The following PPFIA2 variants were observed in gnomAD, a reference collection of about 807,000 sequenced individuals.
PPFIA2 encodes the protein liprin-alpha-2.
PPFIA2 carries 46 observed loss-of-function variants against 175.5 expected under a neutral mutation model. The ratio of observed to expected loss-of-function variants is 0.26; its 90% confidence interval spans 0.21 to 0.34. The LOEUF (loss-of-function observed/expected upper bound fraction) is 0.34. PPFIA2 is among the 10% of genes least tolerant of loss of function. The pLI is 1.00. For missense variants in PPFIA2, 1,179 were observed against 1,506.1 expected, an observed-to-expected ratio of 0.78 and a Z score of 3.60; for synonymous variants, 568 against 511.4, an observed-to-expected ratio of 1.11 and a Z score of -1.49.
intron 4 of PPFIA2, among the ~76,000 whole-genome samples, chr12:81,601,446 G>A (rs2059778980): frequency 2.6e-5 from 4 of 151,856 alleles, no homozygotes; most frequent in African/African-American, 4.8e-5. Flanking sequence ...ATCAAGGTAC[G>A]GTCCCATCAT....
chr12:81,513,148 A>ATTAGTGT (rs1368480829), intron 4 of PPFIA2, among the ~76,000 whole-genome samples: 1 of 152,126 alleles, frequency 6.6e-6, no homozygotes, highest in Non-Finnish European at 1.5e-5. Flanking sequence ...ACATGGAAAA[A>ATTAGTGT]TGCTCAACAT....
chr12:81,600,819 T>C (rs1025568939), intron 4 of PPFIA2, among the ~76,000 whole-genome samples: 43 of 152,060 alleles, frequency 2.8e-4, no homozygotes, highest in African/African-American at 8.7e-4. Context: ...AGAGCGAAGT[T>C]TTAAGAAAAA....
rs191712526 is a variant in PPFIA2 at position 81,718,361 on chromosome 12, C to T, written c.249+35612G>A. Among the ~76,000 whole-genome samples the T allele has an allele frequency of 1.2e-3, 183 of 151,502 alleles. 2 individuals carry two copies. Among genetic ancestry groups the T allele is most frequent in the Admixed American group, 3.6e-3 (55 of 15,174 alleles). ...GAGTTTTAAATCAAGACAGAACTAG[C>T]CTTAGAATGTTCTAGAATGTGTGAG... On this transcript the variant is annotated intron_variant, in intron 3 of 32. Coordinates refer to ENST00000549396, the MANE Select transcript of PPFIA2 (RefSeq NM_003625.5).
chr12:81,618,911 G>A (rs1031277041), intron 4 of PPFIA2, among the ~76,000 whole-genome samples: 2 of 152,112 alleles, frequency 1.3e-5, no homozygotes, highest in African/African-American at 2.4e-5. Context: ...ACAATTATTA[G>A]TCGAGTACCT....
intron 3 of PPFIA2, chr12:81,687,699 C>G (rs1223601186): frequency 6.6e-6 from 1 of 151,882 alleles, no homozygotes; most frequent in East Asian, 1.9e-4. Flanking sequence ...GCTTTATGTT[C>G]TTTACAGAAA....
intron 22 of PPFIA2, among the ~76,000 whole-genome samples, chr12:81,323,112 T>G (rs1289517694): frequency 6.6e-6 from 1 of 152,102 alleles, no homozygotes; most frequent in Non-Finnish European, 1.5e-5. Context: ...TATGGCTTTT[T>G]AAAAAATGTA....
intron 4 of PPFIA2, among the ~76,000 whole-genome samples, chr12:81,662,200 A>G (rs1431175183): frequency 6.6e-6 from 1 of 152,206 alleles, no homozygotes; most frequent in Non-Finnish European, 1.5e-5. Context: ...AACTAAGATA[A>G]GAGCAGAACT....
chr12:81,559,320 ATG>A (rs1212150981), intron 4 of PPFIA2, among the ~76,000 whole-genome samples: 3 of 151,928 alleles, frequency 2.0e-5, no homozygotes, highest in African/African-American at 4.8e-5. Context: ...ATGCACGTGC[ATG>A]TGTGTGTGTG....
intron 4 of PPFIA2, among the ~76,000 whole-genome samples, chr12:81,661,446 C>T (rs1000186683): frequency 6.6e-6 from 1 of 152,028 alleles, no homozygotes; most frequent in East Asian, 1.9e-4. Flanking sequence ...TCAAAAGAGA[C>T]AAAGAAGGCC....
In PPFIA2 at chr12:81,638,868, T is replaced by C. The variant is rs551832265; in HGVS notation, c.303+37923A>G. Among the ~76,000 whole-genome samples the C allele has an allele frequency of 2.6e-3, 392 of 151,026 alleles. 2 individuals carry two copies. The highest frequency in any genetic ancestry group is 5.2e-3 in the Admixed American group (79 of 15,172). On this transcript the variant is annotated intron_variant, in intron 4 of 32. Transcript: ENST00000549396. ...ACGCCCGGCTAATTTTTTGTATTTT[T>C]AGTAGAGACGGGGTTTCACCGTTTT...
intron 4 of PPFIA2, among the ~76,000 whole-genome samples, chr12:81,670,825 C>G (rs2071260278): frequency 6.6e-6 from 1 of 151,950 alleles, no homozygotes; most frequent in Admixed American, 6.6e-5. Context: ...TTTAACTTGG[C>G]ATTAATGATT....
At chr12:81,272,168 G>A (rs2136461781) in intron 28 of PPFIA2, among the ~76,000 whole-genome samples, 1 of 152,198 alleles carries the variant, frequency 6.6e-6, no homozygotes, top group South Asian at 2.1e-4. Flanking sequence ...ATGGTTTTCA[G>A]TAGCTCTATT....
At chr12:81,478,731 G>A (rs945296744) in intron 4 of PPFIA2, among the ~76,000 whole-genome samples, 27 of 152,148 alleles carry the variant, frequency 1.8e-4, no homozygotes, top group Admixed American at 5.2e-4. Context: ...GTGGTTTTAA[G>A]TCAGTTTCTT....
intron 7 of PPFIA2, among the ~76,000 whole-genome samples, chr12:81,413,679 G>T: frequency 6.6e-6 from 1 of 151,760 alleles, no homozygotes; most frequent in East Asian, 1.9e-4. Flanking sequence ...CAAGTATACT[G>T]CAGCTTAGGT....
chr12:81,644,334 T>C (rs1416082686), intron 4 of PPFIA2, among the ~76,000 whole-genome samples: 1 of 152,022 alleles, frequency 6.6e-6, no homozygotes, highest in Non-Finnish European at 1.5e-5. Context: ...TATATGTAAG[T>C]TGGTGAACAC....
In PPFIA2 at chr12:81,516,932, T is replaced by G. The variant is rs531950290; in HGVS notation, c.304-59066A>C. The stretch of plus-strand genomic sequence containing the variant: ...TAACTTGTCATATCACTTAGTGAAG[T>G]ACCCCAGGAAACTAGGCAATTCATG... On this transcript the variant is annotated intron_variant, in intron 4 of 32. Coordinates refer to ENST00000549396, the MANE Select transcript of PPFIA2 (RefSeq NM_003625.5). Among the ~76,000 whole-genome samples, 8 of 152,264 alleles carry G rather than the reference T, an allele frequency of 5.3e-5. No individual in the cohort carries two copies. In the South Asian group the frequency reaches 1.7e-3, roughly 32 times the overall value.
At chr12:81,464,059 A>AT (rs977731723) in intron 4 of PPFIA2, among the ~76,000 whole-genome samples, 2 of 151,874 alleles carry the variant, frequency 1.3e-5, no homozygotes, top group Admixed American at 6.6e-5. Flanking sequence ...CGCTCCCATC[A>AT]TTTTTTTCTT....
In PPFIA2 at chr12:81,384,089, C is replaced by T; in HGVS notation, c.918G>A (p.Glu306=). 1 of 1,613,328 alleles carries T rather than the reference C, an allele frequency of 6.2e-7. No individual in the cohort carries two copies. The highest frequency in any genetic ancestry group is 8.5e-7 in the Non-Finnish European group (1 of 1,179,572). The change falls in exon 9 of 33, where the codon GAG becomes GAA. Residue 306 remains glutamate, a synonymous_variant. Coordinates refer to ENST00000549396, the MANE Select transcript of PPFIA2 (RefSeq NM_003625.5). ...SRVGEVEQEA[E]TARKDLIKTE... ...TTTTAATGAGATCCTTTCTTGCTGT[C>T]TCTGCTTCCTGTTCCACCTCTCCCA...
intron 3 of PPFIA2, among the ~76,000 whole-genome samples, chr12:81,677,729 G>A (rs76551365): frequency 0.012 from 1,827 of 151,892 alleles, 40 homozygotes; most frequent in African/African-American, 0.041. Context: ...TAAAGAGATC[G>A]ATTTTTAACC....
Sources: gnomAD v4.1 joint callset for allele counts (sites outside exome capture counted in the v4.1 genomes callset) on GRCh38, gnomAD v4.1.1 for gene constraint, MANE v1.5 for transcripts, NCBI Gene and HGNC (gene_info 2026-07-23, HGNC 2026-07-21) for gene names.